CTBP2: variants seen among roughly 807,000 people sequenced by gnomAD.
The protein encoded by CTBP2 is C-terminal-binding protein 2.
In CTBP2, 30 loss-of-function variants were observed where a neutral mutation model predicts 80.3. That is an observed-to-expected ratio of 0.37 (90% CI 0.28 to 0.51). The LOEUF (loss-of-function observed/expected upper bound fraction) is 0.51, where lower values mean the gene tolerates loss of function less well. Among genes scored for constraint, CTBP2 ranks in the 20% least tolerant of loss-of-function variants. CTBP2 has a pLI of 0.93. For synonymous variants in CTBP2, 594 were observed against 587.4 expected (o/e 1.01, Z -0.16); for missense variants, 1,212 against 1,375.3 (o/e 0.88, Z 1.88).
intron 4 of CTBP2, among the ~76,000 whole-genome samples, chr10:124,995,086 G>A (rs1953290730): frequency 6.6e-6 from 1 of 152,168 alleles, no homozygotes; most frequent in Non-Finnish European, 1.5e-5. Context: ...TGAGCTTTGT[G>A]TTTGAAAAAC....
At chr10:125,067,619 A>C (rs1031608880) in intron 2 of CTBP2, among the ~76,000 whole-genome samples, 1 of 152,234 alleles carries the variant, frequency 6.6e-6, no homozygotes, top group African/African-American at 2.4e-5. Flanking sequence ...CTCAAAACCC[A>C]GGCAAAGGAT....
At chr10:125,011,994 C>T (rs1314125684) in intron 1 of CTBP2, among the ~76,000 whole-genome samples, 2 of 152,176 alleles carry the variant, frequency 1.3e-5, no homozygotes, top group African/African-American at 4.8e-5. Flanking sequence ...TGCCATCCAC[C>T]CGGGGCAGAT....
chr10:124,996,239 G>A (rs1353552401), intron 4 of CTBP2: 3 of 151,466 alleles, frequency 2.0e-5, no homozygotes, highest in African/African-American at 7.3e-5. Flanking sequence ...AGCTCCCACA[G>A]GCTGCCTTTC....
chr10:125,114,359 CA>C (rs1212627157), intron 1 of CTBP2, among the ~76,000 whole-genome samples: 17 of 152,088 alleles, frequency 1.1e-4, no homozygotes, highest in Admixed American at 3.9e-4. Flanking sequence ...CAGCTGATGA[CA>C]GGGGGGTGTG....
Position 125,027,504 on chromosome 10 carries a change from T to C in CTBP2, c.256A>G (p.Thr86Ala), listed in dbSNP as rs1590174560. The C allele has an allele frequency of 6.2e-7, 1 of 1,613,538 alleles. No individual in the cohort carries two copies. Among genetic ancestry groups the C allele is most frequent in the Non-Finnish European group, 8.5e-7 (1 of 1,179,850 alleles). ...CTGTCGTAGAAGGTGAAGTCAGGAG[T>C]AGACCCCTTTCTTGCAGCCACTGAG... Residue 86 changes from threonine to alanine, a missense_variant, in exon 1 of 9, where the codon ACT becomes GCT. Thr to Ala is a moderately conservative substitution (Grantham distance 58, BLOSUM62 0). Transcript: ENST00000309035.
At position 124,989,434 on chromosome 10, in the gene CTBP2, C is replaced by T. The variant is rs78563051; in HGVS notation, c.*84G>A. 72 of 1,351,526 alleles carry T rather than the reference C, an allele frequency of 5.3e-5. No homozygotes were observed. Among genetic ancestry groups the T allele is most frequent in the African/African-American group, 5.3e-4 (37 of 69,576 alleles). 83.7% of individuals were successfully genotyped at this position (1,351,526 alleles called of 1,614,324 possible). ...TCCAGAATCAGTTACAAAGACCATC[C>T]GATTCTTTTTCTCTTAGTTCATCTA... is the stretch of plus-strand genomic sequence containing the variant. On this transcript the variant is annotated 3_prime_UTR_variant, in exon 9 of 9. Transcript: ENST00000309035.
At chr10:125,018,219 ATCC>A (rs1418219301) in intron 1 of CTBP2, among the ~76,000 whole-genome samples, 1 of 152,202 alleles carries the variant, frequency 6.6e-6, no homozygotes, top group Non-Finnish European at 1.5e-5. Context: ...ATGGGGGATC[ATCC>A]TTGTCAAATG....
At position 124,992,703 on chromosome 10, in the gene CTBP2, G is replaced by A; in HGVS notation, c.2769C>T (p.Ala923=). Residue 923 remains alanine, a synonymous_variant, in exon 8 of 9, where the codon GCC becomes GCT. Coordinates refer to ENST00000309035, the MANE Select transcript of CTBP2 (RefSeq NM_022802.3). ...TCAGTTCCTTTTCTCACCTGTATGT[G>A]GCACCATTGAGCTCAGGATGAATTG... 6.2e-7 allele frequency: 1 copy of A among 1,603,996 alleles called. No homozygotes were observed. The highest frequency in any genetic ancestry group is 1.1e-5 in the South Asian group (1 of 89,718).
chr10:125,009,456 GC>G (rs1955626009), intron 1 of CTBP2, among the ~76,000 whole-genome samples: 3 of 152,182 alleles, frequency 2.0e-5, no homozygotes, highest in Admixed American at 2.0e-4. Context: ...GGCCCCGCCT[GC>G]CTCCAAGGAA....
rs1403408376 is a variant in CTBP2 at position 125,028,025 on chromosome 10, G to A, written c.-266C>T. On this transcript the variant is annotated 5_prime_UTR_variant, in exon 1 of 9. Transcript: ENST00000309035. ...TTCCTTACAGCTCAGTCCCGGAGAG[G>A]AGGCTGTCCCCAGCCTGCCAGGTCC... is the stretch of plus-strand genomic sequence containing the variant. 2 of 892,754 alleles carry A rather than the reference G, an allele frequency of 2.2e-6. No homozygotes were observed. Among genetic ancestry groups the A allele is most frequent in the Admixed American group, 8.2e-5 (2 of 24,538 alleles). The allele number at this position is 892,754 out of a possible 1,614,324, so 55.3% of individuals were successfully genotyped here.
At chr10:125,003,827 G>A (rs1423182953) in intron 1 of CTBP2, among the ~76,000 whole-genome samples, 2 of 151,942 alleles carry the variant, frequency 1.3e-5, no homozygotes, top group Non-Finnish European at 2.9e-5. Context: ...CTCCCTGCCT[G>A]CACCGGCACC....
chr10:125,100,941 T>G (rs1850523225), intron 2 of CTBP2, among the ~76,000 whole-genome samples: 1 of 152,234 alleles, frequency 6.6e-6, no homozygotes, highest in Non-Finnish European at 1.5e-5. Context: ...ACTACTATTT[T>G]TACTAAATTC....
chr10:125,083,012 A>G (rs1308372905), intron 2 of CTBP2, among the ~76,000 whole-genome samples: 1 of 152,136 alleles, frequency 6.6e-6, no homozygotes, highest in East Asian at 1.9e-4. Flanking sequence ...AGCAAGATTT[A>G]AGTGCCCTCT....
In CTBP2 at chr10:125,066,513, A is replaced by G. The variant is rs1439971664; in HGVS notation, c.-101-27358T>C. On this transcript the variant is annotated intron_variant, in intron 2 of 10. Coordinates refer to the CTBP2 transcript ENST00000337195. This position sits in a 1 kb window ranked among gnomAD's most constrained non-coding sequence, Gnocchi z 4.1. The stretch of plus-strand genomic sequence containing the variant: ...TAGAAAGTGCTGTCATGTTTCGTAC[A>G]GGAGCCTGCTGGGGGTAGCTCACGG... 1.3e-5 allele frequency among the ~76,000 whole-genome samples: 2 copies of G among 152,180 alleles called. No individual in the cohort carries two copies. Among genetic ancestry groups the G allele is most frequent in the African/African-American group, 4.8e-5 (2 of 41,462 alleles).
intron 1 of CTBP2, among the ~76,000 whole-genome samples, chr10:125,012,964 G>A (rs1034741075): frequency 9.2e-5 from 14 of 152,218 alleles, no homozygotes; most frequent in African/African-American, 3.4e-4. Flanking sequence ...GTCAAAACCA[G>A]GACTGGCTGG....
intron 2 of CTBP2, among the ~76,000 whole-genome samples, chr10:125,058,947 C>T (rs952747080): frequency 6.6e-6 from 1 of 152,140 alleles, no homozygotes; most frequent in East Asian, 1.9e-4. Flanking sequence ...ATTCTTCACA[C>T]GGAGATTCCA....
intron 2 of CTBP2, among the ~76,000 whole-genome samples, chr10:125,055,451 T>C (rs746831353): frequency 1.4e-4 from 22 of 152,196 alleles, no homozygotes; most frequent in African/African-American, 2.7e-4. Context: ...CCTTCTGAGA[T>C]TGTAGAGGTC....
At chr10:125,113,843 C>T (rs759312307) in intron 1 of CTBP2, among the ~76,000 whole-genome samples, 2 of 152,160 alleles carry the variant, frequency 1.3e-5, no homozygotes, top group African/African-American at 4.8e-5. Context: ...TCAAGCCGGG[C>T]GTTCAAGCAA....
At chr10:125,025,084 C>T (rs2134653294) in intron 1 of CTBP2, among the ~76,000 whole-genome samples, 1 of 152,166 alleles carries the variant, frequency 6.6e-6, no homozygotes, top group South Asian at 2.1e-4. Flanking sequence ...ACAGCTGCTT[C>T]AGGGCTATTT....
Sources: gnomAD v4.1 joint callset for allele counts (sites outside exome capture counted in the v4.1 genomes callset) on GRCh38, gnomAD v4.1.1 for gene constraint, Gnocchi (gnomAD v3.1) non-coding constraint, MANE v1.5 for transcripts, NCBI Gene and HGNC (gene_info 2026-07-23, HGNC 2026-07-21) for gene names.